SYNC: variants seen among roughly 807,000 people sequenced by gnomAD.
SYNC encodes the protein syncoilin.
A neutral mutation model predicts 49.5 loss-of-function variants in SYNC; 38 were observed. That is an observed-to-expected ratio of 0.77 (90% CI 0.59 to 1.01). SYNC has a LOEUF of 1.01. SYNC is among the 50% of genes least tolerant of loss of function. The probability of loss-of-function intolerance (pLI) is 0.00; values close to 1 mark genes in which losing one functional copy is unlikely to be tolerated. For synonymous variants in SYNC, 201 were observed against 230.8 expected (o/e 0.87, Z 1.17); for missense variants, 579 against 580.6 (o/e 1.00, Z 0.03).
At chr1:32,687,861 A>ATTTTTTTTTTTTTTTTTTTTT (rs989517086) in intron 2 of SYNC, among the ~76,000 whole-genome samples, 3 of 146,440 alleles carry the variant, frequency 2.0e-5, no homozygotes, top group African/African-American at 7.6e-5. Flanking sequence ...TATTATTATT[A>ATTTTTTTTTTTTTTTTTTTTT]TTTTTTGAGA....
intron 2 of SYNC, among the ~76,000 whole-genome samples, chr1:32,690,307 C>G (rs1325875302): frequency 1.3e-5 from 2 of 152,196 alleles, no homozygotes; most frequent in Non-Finnish European, 2.9e-5. Context: ...CCATCTTAAC[C>G]TCTTCCTTAG....
intron 1 of SYNC, among the ~76,000 whole-genome samples, chr1:32,699,728 C>CTTTT (rs58903413): frequency 6.4e-5 from 8 of 125,976 alleles, no homozygotes; most frequent in Non-Finnish European, 7.0e-5. Flanking sequence ...CCAAACATAC[C>CTTTT]TTTTTTTTTT....
intron 2 of SYNC, 163 bp from the exon 3 acceptor site, chr1:32,684,545 G>T (rs1649685847): frequency 1.9e-6 from 2 of 1,046,208 alleles, no homozygotes; most frequent in Non-Finnish European, 1.3e-6. Context: ...AAGAAGTTGT[G>T]TCTTGGAAAA....
chr1:32,686,294 A>G (rs1649825299), intron 2 of SYNC: 1 of 152,114 alleles, frequency 6.6e-6, no homozygotes, highest in South Asian at 2.1e-4. Flanking sequence ...AGACAGCACT[A>G]CTCTAGCCTA....
intron 4 of SYNC, 66 bp downstream of exon 4, chr1:32,683,944 C>T: frequency 6.6e-7 from 1 of 1,523,718 alleles, no homozygotes; most frequent in Non-Finnish European, 9.1e-7. Flanking sequence ...GTTTTTAAGG[C>T]ATTAATTAGT....
At position 32,695,801 on chromosome 1, in the gene SYNC, C is replaced by T. The variant is rs546552858; in HGVS notation, c.297G>A (p.Glu99=). The change falls in exon 2 of 5, where the codon GAG becomes GAA. Residue 99 remains glutamate (E), a synonymous_variant. Transcript: ENST00000409190. ...ACACTGTCTCCTCTGGATTCCCAGG[C>T]TCCTCCACATGCAGAGCCTCATCTG... The part of the protein sequence containing the change: ...MQPDEALHVE[E]PGNPEETVCV... 517 of 1,551,782 alleles carry T rather than the reference C, an allele frequency of 3.3e-4. 4 individuals carry two copies. The South Asian group carries it at 5.8e-3, about 17-fold the overall frequency.
chr1:32,685,502 CTAT>C (rs1245367389), intron 2 of SYNC: 2 of 152,210 alleles, frequency 1.3e-5, no homozygotes, highest in Non-Finnish European at 2.9e-5. Flanking sequence ...GGGGTACATG[CTAT>C]TATTAGAAGG....
At position 32,680,663 on chromosome 1, in the gene SYNC, G is replaced by A; in HGVS notation, c.*1187C>T. On this transcript the variant is annotated 3_prime_UTR_variant, in exon 5 of 5. Coordinates refer to ENST00000409190, the MANE Select transcript of SYNC (RefSeq NM_030786.3). ...TTGCTTTTCTACATAACCCCATGCT[G>A]ATGGGTTTTATTTAGTATAAAACAT... 3 of 960,340 alleles carry A rather than the reference G, an allele frequency of 3.1e-6. No homozygotes were observed. Among genetic ancestry groups the A allele is most frequent in the Non-Finnish European group, 4.7e-6 (3 of 637,582 alleles). The allele number at this position is 960,340 out of a possible 1,614,324, so 59.5% of individuals were successfully genotyped here. A position where few individuals can be genotyped will look rare whatever the true frequency, so the allele number is the denominator to read the frequency against.
chr1:32,687,015 G>T (rs1451207788), intron 2 of SYNC, among the ~76,000 whole-genome samples: 1 of 152,128 alleles, frequency 6.6e-6, no homozygotes, highest in East Asian at 1.9e-4. Context: ...TGGGGGAGAA[G>T]GTCCACAGCT....
chr1:32,700,636 G>T (rs1428331784), intron 1 of SYNC, among the ~76,000 whole-genome samples: 1 of 152,174 alleles, frequency 6.6e-6, no homozygotes, highest in Non-Finnish European at 1.5e-5. Flanking sequence ...GACAGAGGTT[G>T]CAGTGAACTG....
chr1:32,695,166 C>A lies in SYNC; in HGVS notation c.932G>T (p.Ser311Ile). The A allele has an allele frequency of 3.2e-6, 5 of 1,584,602 alleles. No homozygotes were observed. Among genetic ancestry groups the A allele is most frequent in the Non-Finnish European group, 4.3e-6 (5 of 1,165,114 alleles). ...QLRQQLEAPP[S>I]QRDGHFLQES... ...CTGGAGAAAGTGCCCATCCCTCTGGCTTGGAGGGGCTTCTAGTTGTTGCCG... is the reference window on the plus strand; with the variant it reads ...CTGGAGAAAGTGCCCATCCCTCTGGATTGGAGGGGCTTCTAGTTGTTGCCG... The change falls in exon 2 of 5, where the codon AGC becomes ATC. Residue 311 changes from serine to isoleucine, a missense_variant. Coordinates refer to ENST00000409190, the MANE Select transcript of SYNC (RefSeq NM_030786.3).
rs1366551634 is a variant in SYNC, at chr1:32,695,411, C to A, written c.687G>T (p.Glu229Asp). ...CCTCCCTTAGGCCATCTCTCTCCAG[C>A]TCTGCTTGGGCATGGAGCTTGTAGG... Reference protein sequence around the residue: ...LAAYKLHAQAELERDGLREEI... With the variant: ...LAAYKLHAQADLERDGLREEI... Residue 229 changes from glutamate (E) to aspartate (D), a missense_variant, in exon 2 of 5, where the codon GAG becomes GAT. Transcript: ENST00000409190. The A allele has an allele frequency of 6.4e-7, 1 of 1,551,698 alleles. No individual in the cohort carries two copies. The highest frequency in any genetic ancestry group is 1.4e-5 in the African/African-American group (1 of 72,916).
At position 32,696,161 on chromosome 1, in the gene SYNC, G is replaced by A. The variant is rs1237666638; in HGVS notation, c.54-117C>T. ...GGTTCTTAGATGTCAGCAGCCATTC[G>A]TCTGCTCCCTCCACTCTGTCAATCC... On this transcript the variant is annotated intron_variant, in intron 1 of 4. Transcript: ENST00000409190. 1.7e-5 allele frequency: 13 copies of A among 784,786 alleles called. 1 individual carries two copies. Among genetic ancestry groups the A allele is most frequent in the South Asian group, 1.1e-4 (6 of 55,182 alleles). The allele number at this position is 784,786 out of a possible 1,614,324, so 48.6% of individuals were successfully genotyped here.
rs372810527 is a variant in SYNC at position 32,694,860 on chromosome 1, C to T, written c.1233+5G>A. On this transcript the variant is annotated splice_donor_5th_base_variant and intron_variant, in intron 2 of 4. Coordinates refer to ENST00000409190, the MANE Select transcript of SYNC (RefSeq NM_030786.3). ...CTCAGTTCTTTTCATGCCCAATGGGCCTACCCTGTACTGCTGCACCTCTTC... is the reference window on the plus strand; with the variant it reads ...CTCAGTTCTTTTCATGCCCAATGGGTCTACCCTGTACTGCTGCACCTCTTC... The T allele has an allele frequency of 2.3e-5, 37 of 1,585,304 alleles. No individual in the cohort carries two copies. Among genetic ancestry groups the T allele is most frequent in the Non-Finnish European group, 3.0e-5 (35 of 1,167,834 alleles).
In SYNC at chr1:32,702,651, G is replaced by A. The variant is rs908698931; in HGVS notation, c.10C>T (p.Pro4Ser). The A allele has an allele frequency of 8.3e-6, 10 of 1,200,664 alleles. No individual in the cohort carries two copies. The African/African-American group carries it at 1.6e-4, about 19-fold the overall frequency. The allele number at this position is 1,200,664 out of a possible 1,614,324, so 74.4% of individuals were successfully genotyped here. A position where few individuals can be genotyped will look rare whatever the true frequency, so the allele number is the denominator to read the frequency against. MAS[P>S]EPRRGGDGAA... ...CCGTCCCCGCCGCGCCGGGGCTCCG[G>A]GCTGGCCATGGCTGCGCGACCCCGG... Residue 4 changes from proline to serine, a missense_variant, in exon 1 of 5, where the codon CCG (proline) becomes TCG (serine). Physicochemically the swap from Pro to Ser is moderately conservative, Grantham distance 74. Transcript: ENST00000409190. The surrounding 1 kb of genome is among the most constrained non-coding windows in gnomAD (Gnocchi z 6.2).
rs540614399 is a variant in SYNC, at chr1:32,702,448, A to C, written c.53+160T>G. 1.1e-3 allele frequency among the ~76,000 whole-genome samples: 166 copies of C among 150,270 alleles called. 1 individual carries two copies. Among genetic ancestry groups the C allele is most frequent in the African/African-American group, 3.9e-3 (158 of 40,800 alleles). On this transcript the variant is annotated intron_variant, in intron 1 of 4. Coordinates refer to ENST00000409190, the MANE Select transcript of SYNC (RefSeq NM_030786.3). This position sits in a 1 kb window ranked among gnomAD's most constrained non-coding sequence, Gnocchi z 6.2. ...GGTGCCAGGACCCCGGGACGGCCCG[A>C]CTCCCCGATGTCCCCTCACGAGGCG...
At position 32,684,081 on chromosome 1, in the gene SYNC, A is replaced by T; in HGVS notation, c.1367T>A (p.Leu456Gln). 1 of 1,612,382 alleles carries T rather than the reference A, an allele frequency of 6.2e-7. No homozygotes were observed. The highest frequency in any genetic ancestry group is 8.5e-7 in the Non-Finnish European group (1 of 1,179,988). ...AGCCTGTTCCAGGCTCTTGGGTAGT[A>T]GCATAGCCCTTTAAAAAGAGAGAGC... ...AEELSTYKAM[L>Q]LPKSLEQADA... Residue 456 changes from leucine (L) to glutamine (Q), a missense_variant, in exon 4 of 5, where the codon CTA becomes CAA. By Grantham distance (113) the Leu-to-Gln change is moderately radical. Transcript: ENST00000409190.
rs1387329411 is a variant in SYNC, at chr1:32,684,032, A to C, written c.1416T>G (p.Gly472=). 1 of 1,614,028 alleles carries C rather than the reference A, an allele frequency of 6.2e-7. No homozygotes were observed. Among genetic ancestry groups the C allele is most frequent in the African/African-American group, 1.3e-5 (1 of 74,912 alleles). The change falls in exon 4 of 5, where the codon GGT becomes GGG. Residue 472 remains glycine, a synonymous_variant. Coordinates refer to ENST00000409190, the MANE Select transcript of SYNC (RefSeq NM_030786.3). Reference sequence around the variant, plus strand: ...CACCTTGAGACTGTGTCTCCATTCCACCTGCCTGAGAAGTGGGAGCATCAG... The same window carrying C: ...CACCTTGAGACTGTGTCTCCATTCCCCCTGCCTGAGAAGTGGGAGCATCAG... ...EQADAPTSQA[G]GMETQSQGAV
upstream of SYNC, chr1:32,702,988 G>A (rs563768117): frequency 1.3e-5 from 2 of 155,524 alleles, no homozygotes; most frequent in Non-Finnish European, 2.8e-5. This position sits in a 1 kb window ranked among gnomAD's most constrained non-coding sequence, Gnocchi z 6.2. Flanking sequence ...CCCGTTGCAG[G>A]GGGAGTCAGA....
Sources: gnomAD v4.1 joint callset for allele counts (sites outside exome capture counted in the v4.1 genomes callset) on GRCh38, gnomAD v4.1.1 for gene constraint, Gnocchi (gnomAD v3.1) non-coding constraint, MANE v1.5 for transcripts, NCBI Gene and HGNC (gene_info 2026-07-23, HGNC 2026-07-21) for gene names.